The following DDX46 variants were observed in gnomAD, a reference collection of about 807,000 sequenced individuals.
DDX46 encodes the protein DEAD-box helicase 46.
A neutral mutation model predicts 134.9 loss-of-function variants in DDX46; 30 were observed. The ratio of observed to expected loss-of-function variants is 0.22; its 90% CI spans 0.17 to 0.30. The LOEUF (loss-of-function observed/expected upper bound fraction) is 0.30. Among genes scored for constraint, DDX46 ranks in the 10% least tolerant of loss-of-function variants. The probability of loss-of-function intolerance (pLI) is 1.00; values close to 1 mark genes in which losing one functional copy is unlikely to be tolerated. For synonymous variants in DDX46, 415 were observed against 404.1 expected (o/e 1.03, Z -0.32); for missense variants, 622 against 1,248.7 (o/e 0.50, Z 7.56).
At chr5:134,827,415 C>T (rs924664938) in intron 22 of DDX46, among the ~76,000 whole-genome samples, 1 of 152,076 alleles carries the variant, frequency 6.6e-6, no homozygotes, top group Non-Finnish European at 1.5e-5. Context: ...GCTGGGATTA[C>T]AGGCGCACAC....
At chr5:134,788,440 A>C (rs1754406912) in intron 11 of DDX46, 73 bp from the exon 12 acceptor site, 1 of 1,258,644 alleles carries the variant, frequency 7.9e-7, no homozygotes, top group Non-Finnish European at 1.1e-6. Flanking sequence ...ACTAGGCAAG[A>C]ACTAAATGCA....
chr5:134,828,159 T>G (rs2150165142), intron 22 of DDX46, among the ~76,000 whole-genome samples: 1 of 152,310 alleles, frequency 6.6e-6, no homozygotes, highest in South Asian at 2.1e-4. Flanking sequence ...CTACAGTGTG[T>G]ACATTTCCTT....
At chr5:134,784,262 A>G (rs1754265087) in intron 9 of DDX46, 104 bp from the exon 10 acceptor site, 2 of 1,188,504 alleles carry the variant, frequency 1.7e-6, no homozygotes, top group Non-Finnish European at 2.3e-6. Context: ...ATTGTATGAT[A>G]TATACCACCT....
chr5:134,767,323 A>G (rs996771544), intron 3 of DDX46, among the ~76,000 whole-genome samples: 3 of 152,160 alleles, frequency 2.0e-5, no homozygotes, highest in Non-Finnish European at 4.4e-5. Flanking sequence ...TGTATTTTAT[A>G]GACATCTTTG....
chr5:134,800,643 C>T (rs2108665), intron 15 of DDX46, among the ~76,000 whole-genome samples: 16,643 of 152,062 alleles, frequency 0.11, 1,210 homozygotes, highest in East Asian at 0.29. Flanking sequence ...CTATCCATAA[C>T]CGCTGGCAAC....
Position 134,811,773 on chromosome 5 carries a change from T to C in DDX46, c.2364T>C (p.Ala788=), listed in dbSNP as rs1755146788. 6.2e-7 allele frequency: 1 copy of C among 1,614,058 alleles called. No individual in the cohort carries two copies. The highest frequency in any genetic ancestry group is 1.1e-5 in the South Asian group (1 of 91,072). ...TTGATGAAACAGAACAAGCTTTGGC[T>C]AATGAGAGGAAGAAGTTACAAAAAG... is the stretch of plus-strand genomic sequence containing the variant. ...FKFDETEQAL[A]NERKKLQKAA... The change falls in exon 18 of 23, where the codon GCT becomes GCC. Residue 788 remains alanine, a synonymous_variant. Transcript: ENST00000452510.
chr5:134,765,376 T>A (rs1753534912), intron 2 of DDX46, among the ~76,000 whole-genome samples: 2 of 135,110 alleles, frequency 1.5e-5, no homozygotes, highest in East Asian at 2.3e-4. Flanking sequence ...AAACCCCGTC[T>A]CTACTAAAAA....
intron 16 of DDX46, among the ~76,000 whole-genome samples, chr5:134,809,004 T>C (rs1755066393): frequency 6.6e-6 from 1 of 152,228 alleles, no homozygotes; most frequent in African/African-American, 2.4e-5. Context: ...ACATATGTAA[T>C]GTCATTTTAT....
At position 134,819,340 on chromosome 5, in the gene DDX46, C is replaced by T. The variant is rs532361530; in HGVS notation, c.2977+336C>T. 9.2e-5 allele frequency among the ~76,000 whole-genome samples: 14 copies of T among 152,210 alleles called. No individual in the cohort carries two copies. The East Asian group carries it at 1.5e-3, about 17-fold the overall frequency. ...TGGAAAGTAAATCAAGTGTATTAGT[C>T]CACTTAATGAATGTTTATCTAGGCA... On this transcript the variant is annotated intron_variant, in intron 21 of 22. Coordinates refer to ENST00000452510, the MANE Select transcript of DDX46 (RefSeq NM_001300860.2).
chr5:134,811,181 TGTTA>T, intron 16 of DDX46, 36 bp from the exon 17 acceptor site: 2 of 1,591,796 alleles, frequency 1.3e-6, no homozygotes, highest in Non-Finnish European at 1.7e-6. Context: ...GGATCCATCT[TGTTA>T]GTGTCTAATA....
intron 1 of DDX46, among the ~76,000 whole-genome samples, chr5:134,761,485 G>A (rs1753384708): frequency 6.6e-6 from 1 of 152,214 alleles, no homozygotes; most frequent in Non-Finnish European, 1.5e-5. Flanking sequence ...GTGCTTGAGA[G>A]ATAATCAGGT....
In DDX46 at chr5:134,817,634, G is replaced by C; in HGVS notation, c.2752G>C (p.Glu918Gln). 6.2e-7 allele frequency: 1 copy of C among 1,614,156 alleles called. No individual in the cohort carries two copies. Among genetic ancestry groups the C allele is most frequent in the East Asian group, 2.2e-5 (1 of 44,880 alleles). ...CAATTATGTGCCGTTAGAGAAACAAGAAGAAGAGAGACAGGATGGTGGACA... is the reference window on the plus strand; with the variant it reads ...CAATTATGTGCCGTTAGAGAAACAACAAGAAGAGAGACAGGATGGTGGACA... ...KLNYVPLEKQ[E>Q]EERQDGGQNE... Residue 918 changes from glutamate (E) to glutamine (Q), a missense_variant, in exon 20 of 23, where the codon GAA becomes CAA. By Grantham distance (29) the Glu-to-Gln change is conservative. This residue lies in a region of DDX46 where 76 missense variants were observed against 213.0 expected (regional missense o/e 0.36). Transcript: ENST00000452510.
At position 134,763,911 on chromosome 5, in the gene DDX46, C is replaced by A. The variant is rs1431989985; in HGVS notation, c.25C>A (p.Arg9=). 6.2e-7 allele frequency: 1 copy of A among 1,613,810 alleles called. No individual in the cohort carries two copies. Among genetic ancestry groups the A allele is most frequent in the South Asian group, 1.1e-5 (1 of 91,008 alleles). MGRESRHY[R]KRSASRGRSG... ...TTTGACTTATTGTTCTAGCCACTAT[C>A]GAAAACGATCGGCATCCCGGGGTCG... The change falls in exon 2 of 23, where the codon CGA becomes AGA. Residue 9 remains arginine (R), a synonymous_variant. Coordinates refer to ENST00000452510, the MANE Select transcript of DDX46 (RefSeq NM_001300860.2).
At chr5:134,786,392 C>G (rs1041362827) in intron 11 of DDX46, among the ~76,000 whole-genome samples, 1 of 151,980 alleles carries the variant, frequency 6.6e-6, no homozygotes, top group Admixed American at 6.6e-5. Context: ...TCTTCCCCTG[C>G]CTGAGAAAGC....
chr5:134,799,252 A>G (rs374953708), intron 15 of DDX46, among the ~76,000 whole-genome samples: 5 of 151,742 alleles, frequency 3.3e-5, no homozygotes, highest in African/African-American at 1.2e-4. Context: ...AATAAATAGG[A>G]GATCAGGTTA....
At chr5:134,812,370 T>TGTGAAAAGTCTTTAACGAATC (rs1755170762) in intron 18 of DDX46, among the ~76,000 whole-genome samples, 1 of 152,062 alleles carries the variant, frequency 6.6e-6, no homozygotes, top group African/African-American at 2.4e-5. Context: ...TGGCCATGGA[T>TGTGAAAAGTCTTTAACGAATC]GTGAAAAGTC....
chr5:134,793,122 A>C (rs1754553585), intron 13 of DDX46, among the ~76,000 whole-genome samples: 1 of 152,088 alleles, frequency 6.6e-6, no homozygotes, highest in South Asian at 2.1e-4. Context: ...ATACCTCTGC[A>C]CTCCAGCCTG....
rs909402497 is a variant in DDX46, at chr5:134,828,712, C to T, written c.*6C>T. On this transcript the variant is annotated 3_prime_UTR_variant, in exon 23 of 23. Transcript: ENST00000452510. ...GAAGATACAAAGTCTTATAGACATC[C>T]GGAAAAAAGATTTTTACCTGTGCTG... 1.4e-5 allele frequency: 21 copies of T among 1,495,316 alleles called. No homozygotes were observed. Among genetic ancestry groups the T allele is most frequent in the Middle Eastern group, 1.8e-4 (1 of 5,694 alleles). The allele number at this position is 1,495,316 out of a possible 1,614,324, so 92.6% of individuals were successfully genotyped here. A position where few individuals can be genotyped will look rare whatever the true frequency, so the allele number is the denominator to read the frequency against.
intron 2 of DDX46, among the ~76,000 whole-genome samples, 171 bp from the exon 3 acceptor site, chr5:134,766,746 G>A (rs780921739): frequency 6.6e-6 from 1 of 152,070 alleles, no homozygotes; most frequent in Non-Finnish European, 1.5e-5. Flanking sequence ...AAATAAATTA[G>A]TATTCTCATT....
Sources: gnomAD v4.1 joint callset for allele counts (sites outside exome capture counted in the v4.1 genomes callset) on GRCh38, gnomAD v4.1.1 for gene constraint, gnomAD v4.1.1 regional missense constraint, MANE v1.5 for transcripts, NCBI Gene and HGNC (gene_info 2026-07-23, HGNC 2026-07-21) for gene names.